The following CCDC187 variants were observed in gnomAD, a reference collection of about 807,000 sequenced individuals.
The protein encoded by CCDC187 is coiled-coil domain-containing protein 187.
CCDC187 carries 32 observed loss-of-function variants against 38.0 expected under a neutral mutation model. The observed-to-expected ratio is 0.84, with a 90% CI of 0.64 to 1.13. CCDC187 has a LOEUF of 1.13. Ranked by LOEUF, CCDC187 falls within the 50% of genes most tolerant of loss-of-function variation. CCDC187 has a pLI of 0.00. For missense variants in CCDC187, 707 were observed against 786.8 expected, an observed-to-expected ratio of 0.90 and a Z score of 1.21; for synonymous variants, 333 against 347.9, an observed-to-expected ratio of 0.96 and a Z score of 0.48.
chr9:136,288,190 C>T (rs1175708432), intron 7 of CCDC187, among the ~76,000 whole-genome samples: 6 of 152,104 alleles, frequency 3.9e-5, no homozygotes, highest in East Asian at 1.9e-4. Flanking sequence ...GCTCACCCAG[C>T]GGCATACTCA....
intron 4 of CCDC187, among the ~76,000 whole-genome samples, chr9:136,293,320 C>T (rs1183233469): frequency 1.3e-5 from 2 of 149,956 alleles, no homozygotes; most frequent in African/African-American, 5.0e-5. Context: ...CACACTCACA[C>T]TCACATGCTT....
intron 7 of CCDC187, among the ~76,000 whole-genome samples, chr9:136,287,740 C>T (rs1238644338): frequency 2.6e-5 from 4 of 152,182 alleles, no homozygotes; most frequent in East Asian, 1.9e-4. Flanking sequence ...TTCCTGCTCA[C>T]GTGAGGGTCC....
Position 136,290,957 on chromosome 9 carries a change from C to T in CCDC187, c.1656G>A (p.Glu552=). The T allele has an allele frequency of 5.0e-6, 2 of 398,712 alleles. No individual in the cohort carries two copies. The highest frequency in any genetic ancestry group is 8.8e-6 in the Non-Finnish European group (2 of 226,138). The allele number at this position is 398,712 out of a possible 1,614,324, so 24.7% of individuals were successfully genotyped here. A position where few individuals can be genotyped will look rare whatever the true frequency, so the allele number is the denominator to read the frequency against. ...RRAWTACETW[E]DPGPRLRNPL... is the part of the protein sequence containing the mutation. Reference sequence around the variant, plus strand: ...GGTTCCGCAGTCTGGGGCCAGGGTCCTCCCAGGTTTCACAGGCAGTCCAGG... The same window carrying T: ...GGTTCCGCAGTCTGGGGCCAGGGTCTTCCCAGGTTTCACAGGCAGTCCAGG... Residue 552 remains glutamate (E), a synonymous_variant, in exon 6 of 26, where the codon GAG becomes GAA. Coordinates refer to ENST00000638797, the MANE Select transcript of CCDC187 (RefSeq NM_001378188.1).
chr9:136,299,932 A>G (rs1010698397), intron 3 of CCDC187, among the ~76,000 whole-genome samples: 1 of 152,148 alleles, frequency 6.6e-6, no homozygotes, highest in Non-Finnish European at 1.5e-5. Flanking sequence ...TGTGCAGGAG[A>G]TCTCTCAGCA....
chr9:136,285,036 G>A (rs952938952), intron 9 of CCDC187, among the ~76,000 whole-genome samples: 9 of 152,104 alleles, frequency 5.9e-5, no homozygotes, highest in Admixed American at 1.3e-4. Context: ...AGTGTCCCCG[G>A]GAAGGGGCTT....
chr9:136,291,521 C>G lies in CCDC187; in HGVS notation c.1092G>C (p.Gln364His). The G allele has an allele frequency of 2.5e-6, 1 of 398,772 alleles. No individual in the cohort carries two copies. The highest frequency in any genetic ancestry group is 4.4e-6 in the Non-Finnish European group (1 of 226,138). The allele number at this position is 398,772 out of a possible 1,614,324, so 24.7% of individuals were successfully genotyped here. Reference protein sequence around the residue: ...GNTPSLASFDQPATIQTAMAI... With the variant: ...GNTPSLASFDHPATIQTAMAI... ...CCATGGCCGTCTGTATGGTCGCTGG[C>G]TGGTCGAAGGAAGCCAGGCTGGGTG... Residue 364 changes from glutamine to histidine, a missense_variant, in exon 6 of 26, where the codon CAG becomes CAC. Physicochemically the swap from Gln to His is conservative, Grantham distance 24. Coordinates refer to ENST00000638797, the MANE Select transcript of CCDC187 (RefSeq NM_001378188.1).
chr9:136,250,766 G>A lies in CCDC187; in HGVS notation c.*2828C>T, dbSNP rs1246656496. The A allele has an allele frequency of 2.2e-6, 1 of 456,178 alleles. No homozygotes were observed. Among genetic ancestry groups the A allele is most frequent in the Non-Finnish European group, 4.4e-6 (1 of 226,974 alleles). The allele number at this position is 456,178 out of a possible 1,614,324, so 28.3% of individuals were successfully genotyped here. On this transcript the variant is annotated 3_prime_UTR_variant, in exon 26 of 26. Transcript: ENST00000638797. ...TGGGCTTCCTGTGCACATGGTGAAT[G>A]GGGACCCTGACACAGGCCGGCCATT... is the stretch of plus-strand genomic sequence containing the variant.
In CCDC187 at chr9:136,258,540, C is replaced by T. The variant is rs1373781731; in HGVS notation, c.4366+392G>A. On this transcript the variant is annotated intron_variant, in intron 22 of 25. Coordinates refer to ENST00000638797, the MANE Select transcript of CCDC187 (RefSeq NM_001378188.1). This position sits in a 1 kb window ranked among gnomAD's most constrained non-coding sequence, Gnocchi z 4.3. ...ACCTGCAAATTGGGGACTTGGCTCTCGGGGGGGGCCCCGGCCAAGTGTAAG... is the reference window on the plus strand; with the variant it reads ...ACCTGCAAATTGGGGACTTGGCTCTTGGGGGGGGCCCCGGCCAAGTGTAAG... Among the ~76,000 whole-genome samples the T allele has an allele frequency of 3.3e-5, 5 of 151,510 alleles. No homozygotes were observed. Among genetic ancestry groups the T allele is most frequent in the Non-Finnish European group, 5.9e-5 (4 of 67,870 alleles).
chr9:136,293,359 ATTCACATGCTCACACACT>A (rs1831407406), intron 4 of CCDC187, among the ~76,000 whole-genome samples: 8 of 134,654 alleles, frequency 5.9e-5, no homozygotes, highest in East Asian at 2.3e-4. Context: ...GCTCACACAC[ATTCACATGCTCACACACT>A]CACACTCACA....
chr9:136,272,264 G>A (rs1201319126), intron 14 of CCDC187, among the ~76,000 whole-genome samples: 1 of 152,222 alleles, frequency 6.6e-6, no homozygotes, highest in Non-Finnish European at 1.5e-5. Context: ...ACGACTATGT[G>A]CAGATGTAAA....
intron 17 of CCDC187, 142 bp from the exon 18 acceptor site, chr9:136,263,940 GCCCCTCCT>G: frequency 1.4e-5 from 7 of 496,038 alleles, no homozygotes; most frequent in Non-Finnish European, 1.6e-5. Context: ...GCCTTTGCCC[GCCCCTCCT>G]GCCGGGCCTA....
At position 136,291,268 on chromosome 9, in the gene CCDC187, G is replaced by T. The variant is rs1262267048; in HGVS notation, c.1345C>A (p.Pro449Thr). 3 of 398,708 alleles carry T rather than the reference G, an allele frequency of 7.5e-6. No homozygotes were observed. The highest frequency in any genetic ancestry group is 4.1e-5 in the African/African-American group (2 of 48,656). 24.7% of individuals were successfully genotyped at this position (398,708 alleles called of 1,614,324 possible). The stretch of plus-strand genomic sequence containing the variant: ...TCCCGTGCAGTGGAGGAGCTCCAGG[G>T]CTCCCAGGTGTGGACACTCCTAGCC... ...ERARSVHTWE[P>T]WSSSTARESC... The change falls in exon 6 of 26, where the codon CCC (proline) becomes ACC (threonine). Residue 449 changes from proline (P) to threonine (T), a missense_variant. Coordinates refer to ENST00000638797, the MANE Select transcript of CCDC187 (RefSeq NM_001378188.1).
chr9:136,285,173 C>G (rs895756534), intron 9 of CCDC187, among the ~76,000 whole-genome samples: 22 of 152,088 alleles, frequency 1.4e-4, no homozygotes, highest in African/African-American at 5.3e-4. Flanking sequence ...GCCCGGATGG[C>G]AAGGACCACC....
At chr9:136,304,799 C>T (rs1286395657), upstream of CCDC187, among the ~76,000 whole-genome samples, 1 of 152,206 alleles carries the variant, frequency 6.6e-6, no homozygotes, top group East Asian at 1.9e-4. Flanking sequence ...CACGGAGCTG[C>T]GATGATCATG....
chr9:136,272,548 C>T (rs1830857582), intron 14 of CCDC187, among the ~76,000 whole-genome samples: 1 of 151,986 alleles, frequency 6.6e-6, no homozygotes, highest in Non-Finnish European at 1.5e-5. Context: ...ACTAAAAATA[C>T]AAAAATTAGC....
rs1005052160 is a variant in CCDC187 at position 136,285,618 on chromosome 9, G to A, written c.2834-12C>T. 23 of 400,066 alleles carry A rather than the reference G, an allele frequency of 5.7e-5. 1 individual carries two copies. In the Middle Eastern group the frequency reaches 3.7e-3, roughly 64 times the overall value. The allele number at this position is 400,066 out of a possible 1,614,324, so 24.8% of individuals were successfully genotyped here. A position where few individuals can be genotyped will look rare whatever the true frequency, so the allele number is the denominator to read the frequency against. On this transcript the variant is annotated splice_polypyrimidine_tract_variant and intron_variant, in intron 8 of 25. Transcript: ENST00000638797. ...CTCCTCTGGAAAACCTTGGAGAAGA[G>A]GGCACCTGGCTTCACTCCCTGGTCA... is the stretch of plus-strand genomic sequence containing the variant.
At position 136,260,243 on chromosome 9, in the gene CCDC187, A is replaced by T. The variant is rs1830664617; in HGVS notation, c.4086T>A (p.Asp1362Glu). Reference sequence around the variant, plus strand: ...CGGAGGTTGTCTGGGGTGGCGTCACATCCTGCTGCTCAGTGGGAGGGCTGC... The same window carrying T: ...CGGAGGTTGTCTGGGGTGGCGTCACTTCCTGCTGCTCAGTGGGAGGGCTGC... ...KATRPPTEQQDVTPPQTTSDA... is the reference protein window; with the variant it reads ...KATRPPTEQQEVTPPQTTSDA... The change falls in exon 20 of 26, where the codon GAT (aspartate) becomes GAA (glutamate). Residue 1362 changes from aspartate to glutamate, a missense_variant. Transcript: ENST00000638797. 5.1e-6 allele frequency: 5 copies of T among 984,934 alleles called. No homozygotes were observed. Among genetic ancestry groups the T allele is most frequent in the Non-Finnish European group, 6.0e-6 (5 of 830,014 alleles). 61.0% of individuals were successfully genotyped at this position (984,934 alleles called of 1,614,324 possible). A position where few individuals can be genotyped will look rare whatever the true frequency, so the allele number is the denominator to read the frequency against.
In CCDC187 at chr9:136,290,743, G is replaced by T; in HGVS notation, c.1870C>A (p.Pro624Thr). 1 of 398,498 alleles carries T rather than the reference G, an allele frequency of 2.5e-6. No individual in the cohort carries two copies. The highest frequency in any genetic ancestry group is 4.4e-6 in the Non-Finnish European group (1 of 225,934). 24.7% of individuals were successfully genotyped at this position (398,498 alleles called of 1,614,324 possible). A position where few individuals can be genotyped will look rare whatever the true frequency, so the allele number is the denominator to read the frequency against. Residue 624 changes from proline (P) to threonine (T), a missense_variant, in exon 6 of 26, where the codon CCC (proline) becomes ACC (threonine). Physicochemically the swap from Pro to Thr is conservative, Grantham distance 38. Transcript: ENST00000638797. ...GGTCCCAGGAGCCCCCGGGACCTGG[G>T]GCAGGGCCGCAGCGTGTCCTTCTCC... The part of the protein sequence containing the change: ...GKEKDTLRPC[P>T]RSRGLLGPSH...
intron 7 of CCDC187, among the ~76,000 whole-genome samples, chr9:136,289,555 C>T (rs1401764835): frequency 1.3e-5 from 2 of 150,340 alleles, no homozygotes; most frequent in Non-Finnish European, 3.0e-5. Context: ...ATAGGCAAAT[C>T]CGTCGAGGCA....
Sources: allele counts gnomAD v4.1 joint callset (sites outside exome capture counted in the v4.1 genomes callset), GRCh38; gene constraint gnomAD v4.1.1; non-coding constraint Gnocchi (gnomAD v3.1); transcripts MANE v1.5; gene names NCBI Gene and HGNC (gene_info 2026-07-23, HGNC 2026-07-21).